FBXO46: variants seen among roughly 807,000 people sequenced by gnomAD.
FBXO46 encodes F-box only protein 46.
Under a neutral mutation model 30.7 loss-of-function variants are expected in FBXO46, and 13 were observed. The ratio of observed to expected loss-of-function variants is 0.42; its 90% CI spans 0.28 to 0.67. The LOEUF is 0.67. Ranked by LOEUF, FBXO46 falls within the 30% of genes least tolerant of loss-of-function variation. The pLI is 0.21. For synonymous variants in FBXO46, 467 were observed against 385.8 expected (o/e 1.21, Z -2.47); for missense variants, 754 against 871.5 (o/e 0.87, Z 1.70).
In FBXO46 at chr19:45,710,913, G is replaced by GC. The variant is rs200723937; in HGVS notation, c.*770dup. 5 of 168,284 alleles carry GC rather than the reference G, an allele frequency of 3.0e-5. No individual in the cohort carries two copies. Among genetic ancestry groups the GC allele is most frequent in the African/African-American group, 4.8e-5 (2 of 41,470 alleles). The allele number at this position is 168,284 out of a possible 1,614,324, so 10.4% of individuals were successfully genotyped here. A position where few individuals can be genotyped will look rare whatever the true frequency, so the allele number is the denominator to read the frequency against. ...CAAATCCGAAGTCCCTGCCCACGGG[G>GC]CCCCCCCACGCTGTCAAAAGCGAGG... On this transcript the variant is annotated 3_prime_UTR_variant, in exon 2 of 2. Coordinates refer to ENST00000317683, the MANE Select transcript of FBXO46 (RefSeq NM_001080469.2).
chr19:45,713,281 AGCGGAGCCG>A lies in FBXO46; in HGVS notation c.206_214del (p.Pro69_Pro71del), dbSNP rs779263838. 1.8e-3 allele frequency: 2,917 copies of A among 1,613,732 alleles called. 5 individuals carry two copies. Among genetic ancestry groups the A allele is most frequent in the South Asian group, 6.7e-3 (612 of 91,076 alleles). On this transcript the variant is annotated inframe_deletion, in exon 2 of 2. Transcript: ENST00000317683. This position sits in a 1 kb window ranked among gnomAD's most constrained non-coding sequence, Gnocchi z 4.7. ...ATCACCAGCAGCTGCTGCTGAGAGG[AGCGGAGCCG>A]GCTGGGAGGCAGGGACCTCAGTGGC...
chr19:45,711,323 G>A lies in FBXO46; in HGVS notation c.*361C>T. ...AGGGAGAGGATGGGGGCCAGAATGG[G>A]GGGACCCTTAAGTGGTACCAAAATT... On this transcript the variant is annotated 3_prime_UTR_variant, in exon 2 of 2. Transcript: ENST00000317683. 2.1e-6 allele frequency: 1 copy of A among 468,356 alleles called. No homozygotes were observed. Among genetic ancestry groups the A allele is most frequent in the Admixed American group, 2.9e-5 (1 of 34,080 alleles). The allele number at this position is 468,356 out of a possible 1,614,324, so 29.0% of individuals were successfully genotyped here.
At chr19:45,725,076 G>A (rs765164604) in intron 1 of FBXO46, among the ~76,000 whole-genome samples, 3 of 152,118 alleles carry the variant, frequency 2.0e-5, no homozygotes, top group Non-Finnish European at 2.9e-5. Flanking sequence ...AGTAAGCTGT[G>A]ACTGCACCAC....
In FBXO46 at chr19:45,713,551, T is replaced by C. The variant is rs1600356175; in HGVS notation, c.-56A>G. 2.1e-6 allele frequency: 3 copies of C among 1,414,168 alleles called. No individual in the cohort carries two copies. The highest frequency in any genetic ancestry group is 4.9e-5 in the Admixed American group (2 of 40,636). The allele number at this position is 1,414,168 out of a possible 1,614,324, so 87.6% of individuals were successfully genotyped here. A position where few individuals can be genotyped will look rare whatever the true frequency, so the allele number is the denominator to read the frequency against. Reference sequence around the variant, plus strand: ...TCAGCGCATCTCAGGACCTAGGTGGTGGTGGGAGGCTCCACATGCCACCTG... The same window carrying C: ...TCAGCGCATCTCAGGACCTAGGTGGCGGTGGGAGGCTCCACATGCCACCTG... On this transcript the variant is annotated 5_prime_UTR_variant, in exon 2 of 2. Transcript: ENST00000317683. The surrounding 1 kb of genome is among the most constrained non-coding windows in gnomAD (Gnocchi z 4.7).
At chr19:45,716,449 C>T (rs1968091741) in intron 1 of FBXO46, 2 of 152,026 alleles carry the variant, frequency 1.3e-5, no homozygotes, top group Admixed American at 6.6e-5. Context: ...CTTTAAACCA[C>T]CGAACCTAAA....
At chr19:45,723,690 C>CACT (rs1968202899) in intron 1 of FBXO46, among the ~76,000 whole-genome samples, 4 of 152,094 alleles carry the variant, frequency 2.6e-5, no homozygotes, top group Admixed American at 2.6e-4. Context: ...GACGCAGTCT[C>CACT]ACTCTGTCAC....
chr19:45,722,473 A>G (rs2146157337), intron 1 of FBXO46, among the ~76,000 whole-genome samples: 2 of 152,290 alleles, frequency 1.3e-5, no homozygotes, highest in East Asian at 3.9e-4. Flanking sequence ...AGCACCTGGT[A>G]CCAGTTTGGC....
rs1269555781 is a variant in FBXO46 at position 45,711,345 on chromosome 19, A to T, written c.*339T>A. 1 of 505,906 alleles carries T rather than the reference A, an allele frequency of 2.0e-6. No individual in the cohort carries two copies. The highest frequency in any genetic ancestry group is 3.7e-6 in the Non-Finnish European group (1 of 267,054). 31.3% of individuals were successfully genotyped at this position (505,906 alleles called of 1,614,324 possible). A position where few individuals can be genotyped will look rare whatever the true frequency, so the allele number is the denominator to read the frequency against. ...TGGGGGGACCCTTAAGTGGTACCAA[A>T]ATTAGCTGCCGTCTGCTCCCTGCTG... On this transcript the variant is annotated 3_prime_UTR_variant, in exon 2 of 2. Coordinates refer to ENST00000317683, the MANE Select transcript of FBXO46 (RefSeq NM_001080469.2).
chr19:45,730,260 C>T (rs962852734), intron 1 of FBXO46, among the ~76,000 whole-genome samples: 1 of 152,050 alleles, frequency 6.6e-6, no homozygotes, highest in Non-Finnish European at 1.5e-5. Context: ...TGTGCCTGTC[C>T]AGCTTACCGG....
rs79813023 is a variant in FBXO46, at chr19:45,719,772, A to G, written c.-78-6199T>C. ...ACACTGAGCTCCCCAGGAATGGCTCATGGGAAAGGGGTCAGACATCCAAAC... is the reference window on the plus strand; with the variant it reads ...ACACTGAGCTCCCCAGGAATGGCTCGTGGGAAAGGGGTCAGACATCCAAAC... On this transcript the variant is annotated intron_variant, in intron 1 of 1. Transcript: ENST00000317683. Among the ~76,000 whole-genome samples, 305 of 152,332 alleles carry G rather than the reference A, an allele frequency of 2.0e-3. 1 individual carries two copies. Among genetic ancestry groups the G allele is most frequent in the African/African-American group, 6.8e-3 (283 of 41,580 alleles).
chr19:45,722,576 C>T (rs989865852), intron 1 of FBXO46, among the ~76,000 whole-genome samples: 3 of 152,052 alleles, frequency 2.0e-5, no homozygotes, highest in Non-Finnish European at 4.4e-5. Flanking sequence ...TCCTGGCTAA[C>T]ACGGTGAAAC....
At chr19:45,731,368 G>A (rs1194271003), upstream of FBXO46, among the ~76,000 whole-genome samples, 1 of 148,506 alleles carries the variant, frequency 6.7e-6, no homozygotes, top group Admixed American at 6.8e-5. Context: ...CCAGGCTGGA[G>A]TGCAGTGGCG....
intron 1 of FBXO46, among the ~76,000 whole-genome samples, chr19:45,729,088 C>T (rs560481209): frequency 1.7e-4 from 25 of 150,720 alleles, no homozygotes; most frequent in African/African-American, 5.9e-4. Context: ...GCAACAAGAG[C>T]GAAACTCCGC....
intron 1 of FBXO46, among the ~76,000 whole-genome samples, chr19:45,728,280 C>T (rs544930682): frequency 6.6e-6 from 1 of 152,278 alleles, no homozygotes; most frequent in African/African-American, 2.4e-5. Context: ...ATTTAGGAGC[C>T]CAGAGGTGGA....
At chr19:45,722,401 T>A (rs1968184661) in intron 1 of FBXO46, among the ~76,000 whole-genome samples, 1 of 151,938 alleles carries the variant, frequency 6.6e-6, no homozygotes, top group African/African-American at 2.4e-5. Flanking sequence ...CACTGTAAAA[T>A]GGCAATAATG....
In FBXO46 at chr19:45,710,831, G is replaced by A. The variant is rs1016179097; in HGVS notation, c.*853C>T. The A allele has an allele frequency of 6.5e-6, 1 of 153,910 alleles. No homozygotes were observed. 9.5% of individuals were successfully genotyped at this position (153,910 alleles called of 1,614,324 possible). On this transcript the variant is annotated 3_prime_UTR_variant, in exon 2 of 2. Coordinates refer to ENST00000317683, the MANE Select transcript of FBXO46 (RefSeq NM_001080469.2). ...TTAAAGAAACATGTGGCTGGGGTGA[G>A]GAGACCCCAATGCCTGAACGAGACC...
chr19:45,712,684 G>T lies in FBXO46; in HGVS notation c.812C>A (p.Pro271His), dbSNP rs1907818818. 2 of 1,612,776 alleles carry T rather than the reference G, an allele frequency of 1.2e-6. No homozygotes were observed. The highest frequency in any genetic ancestry group is 1.7e-6 in the Non-Finnish European group (2 of 1,179,428). ...GGGCAGGCCGCTGTCTGGTGCACGGGGCTCCCGGCCGTTGGAGATGCGGAA... is the reference window on the plus strand; with the variant it reads ...GGGCAGGCCGCTGTCTGGTGCACGGTGCTCCCGGCCGTTGGAGATGCGGAA... The part of the protein sequence containing the change: ...IAFRISNGRE[P>H]RAPDSGLPSG... Residue 271 changes from proline (P) to histidine (H), a missense_variant, in exon 2 of 2, where the codon CCC becomes CAC. Transcript: ENST00000317683. This position sits in a 1 kb window ranked among gnomAD's most constrained non-coding sequence, Gnocchi z 8.8.
intron 1 of FBXO46, among the ~76,000 whole-genome samples, chr19:45,720,087 C>T (rs1053644727): frequency 6.6e-6 from 1 of 152,004 alleles, no homozygotes; most frequent in Non-Finnish European, 1.5e-5. Context: ...GCCTCAATCT[C>T]CTGGGCTCAA....
chr19:45,727,924 G>C (rs1040658171), intron 1 of FBXO46, among the ~76,000 whole-genome samples: 2 of 152,166 alleles, frequency 1.3e-5, no homozygotes, highest in Non-Finnish European at 2.9e-5. Flanking sequence ...AATGGGAATG[G>C]GGACACACTG....
Sources: gnomAD v4.1 joint callset for allele counts (sites outside exome capture counted in the v4.1 genomes callset) on GRCh38, gnomAD v4.1.1 for gene constraint, Gnocchi (gnomAD v3.1) non-coding constraint, MANE v1.5 for transcripts, NCBI Gene and HGNC (gene_info 2026-07-23, HGNC 2026-07-21) for gene names.